Variants in HPSE2 observed in about 807,000 individuals in gnomAD.
The protein encoded by HPSE2 is heparanase 2 (inactive), also known as inactive heparanase-2.
In HPSE2, 38 loss-of-function variants were observed where a neutral mutation model predicts 60.5. That is an observed-to-expected ratio of 0.63 (90% CI 0.48 to 0.82). HPSE2 has a LOEUF of 0.82. HPSE2 is among the 40% of genes least tolerant of loss of function. HPSE2 has a pLI of 0.00. For synonymous variants in HPSE2, 295 were observed against 293.2 expected (o/e 1.01, Z -0.06); for missense variants, 713 against 740.4 (o/e 0.96, Z 0.43).
intron 6 of HPSE2, among the ~76,000 whole-genome samples, chr10:98,663,697 A>G (rs1445145607): frequency 6.6e-6 from 1 of 152,034 alleles, no homozygotes; most frequent in Non-Finnish European, 1.5e-5. Context: ...GGAACAGGAG[A>G]ACTTTCCTGA....
At chr10:98,983,580 A>G (rs1182653625) in intron 3 of HPSE2, among the ~76,000 whole-genome samples, 1 of 152,226 alleles carries the variant, frequency 6.6e-6, no homozygotes, top group Non-Finnish European at 1.5e-5. Context: ...AGACAAAGTC[A>G]ATTTACCTGG....
chr10:99,122,316 C>T (rs187704388), intron 3 of HPSE2, among the ~76,000 whole-genome samples: 94 of 151,996 alleles, frequency 6.2e-4, no homozygotes, highest in Non-Finnish European at 1.2e-3. Flanking sequence ...AAGCAGCTAT[C>T]ACCACTATTT....
chr10:98,864,562 CTAAA>C (rs1021467034), intron 3 of HPSE2, among the ~76,000 whole-genome samples: 5 of 152,088 alleles, frequency 3.3e-5, no homozygotes, highest in Non-Finnish European at 5.9e-5. Flanking sequence ...CTGAGAGAGG[CTAAA>C]TAAAGTTATC....
chr10:98,825,338 T>C (rs1168024885), intron 3 of HPSE2, among the ~76,000 whole-genome samples: 1 of 151,638 alleles, frequency 6.6e-6, no homozygotes, highest in African/African-American at 2.4e-5. Context: ...GGGATGGATA[T>C]GTGGATAATT....
intron 6 of HPSE2, among the ~76,000 whole-genome samples, chr10:98,686,927 CTGTT>C (rs889029030): frequency 2.6e-5 from 4 of 152,114 alleles, no homozygotes; most frequent in Admixed American, 1.3e-4. Context: ...AATTGTCAGT[CTGTT>C]TGACAGTGTT....
chr10:99,009,240 C>CAAAA (rs56775967), intron 3 of HPSE2, among the ~76,000 whole-genome samples: 12 of 74,416 alleles, frequency 1.6e-4, no homozygotes, highest in African/African-American at 6.2e-4. Flanking sequence ...CCAGTGTCTA[C>CAAAA]AAAAAAAAAA....
intron 3 of HPSE2, among the ~76,000 whole-genome samples, chr10:98,810,763 A>AT (rs1190903191): frequency 1.4e-5 from 1 of 69,756 alleles, no homozygotes; most frequent in African/African-American, 3.6e-5. Flanking sequence ...GAACTAAAAA[A>AT]AAAAAATAAA....
At chr10:99,035,981 G>A (rs1461548439) in intron 3 of HPSE2, among the ~76,000 whole-genome samples, 1 of 152,148 alleles carries the variant, frequency 6.6e-6, no homozygotes, top group African/African-American at 2.4e-5. Context: ...GAAGGCCAAT[G>A]CAGAAGATTA....
chr10:99,043,815 AAAG>A (rs1442184329), intron 3 of HPSE2, among the ~76,000 whole-genome samples: 1 of 152,188 alleles, frequency 6.6e-6, no homozygotes, highest in Non-Finnish European at 1.5e-5. Flanking sequence ...AGATAAAAAT[AAAG>A]AAGAAAGAAT....
At chr10:98,935,820 G>C (rs1954772204) in intron 3 of HPSE2, among the ~76,000 whole-genome samples, 1 of 145,044 alleles carries the variant, frequency 6.9e-6, no homozygotes, top group Non-Finnish European at 1.5e-5. Flanking sequence ...GTGCTGTGCT[G>C]GGGGAAATCC....
chr10:99,156,468 T>C (rs1254442936), intron 2 of HPSE2, among the ~76,000 whole-genome samples: 11 of 136,362 alleles, frequency 8.1e-5, no homozygotes, highest in Non-Finnish European at 1.5e-4. Context: ...ATAAATGTAA[T>C]CCAGCATATA....
chr10:98,726,575 T>C (rs1949086906), intron 4 of HPSE2, among the ~76,000 whole-genome samples: 1 of 150,986 alleles, frequency 6.6e-6, no homozygotes, highest in African/African-American at 2.4e-5. Flanking sequence ...ACATGGCATA[T>C]GTATACATAT....
At chr10:98,800,398 ATATATT>A (rs1193007602) in intron 3 of HPSE2, among the ~76,000 whole-genome samples, 6 of 147,724 alleles carry the variant, frequency 4.1e-5, no homozygotes, top group Non-Finnish European at 4.5e-5. Flanking sequence ...ATACATAAAT[ATATATT>A]TATATCTATA....
At chr10:98,657,448 A>C (rs1028222300) in intron 6 of HPSE2, among the ~76,000 whole-genome samples, 3 of 151,874 alleles carry the variant, frequency 2.0e-5, no homozygotes, top group African/African-American at 7.3e-5. Context: ...CTTGTGCTTC[A>C]ACACCCCCCG....
At chr10:98,789,712 T>C (rs1298571026) in intron 3 of HPSE2, among the ~76,000 whole-genome samples, 2 of 152,206 alleles carry the variant, frequency 1.3e-5, no homozygotes, top group Non-Finnish European at 2.9e-5. Context: ...TCATTTCTTA[T>C]AGCTGGATGG....
At position 98,721,830 on chromosome 10, in the gene HPSE2, T is replaced by C. The variant is rs1948934089; in HGVS notation, c.785-2A>G. On this transcript the variant is annotated splice_acceptor_variant, in intron 4 of 11. Transcript: ENST00000370552. LOFTEE classifies it high-confidence loss of function. ...GCATGGTCCGATAGTTATTTGGCTCTAGATTAAAAGCAGACATGTAAGTCA... is the reference window on the plus strand; with the variant it reads ...GCATGGTCCGATAGTTATTTGGCTCCAGATTAAAAGCAGACATGTAAGTCA... The C allele has an allele frequency of 4.3e-6, 7 of 1,613,206 alleles. No homozygotes were observed. Among genetic ancestry groups the C allele is most frequent in the Non-Finnish European group, 5.9e-6 (7 of 1,179,574 alleles).
At chr10:98,581,388 A>G (rs563872425) in intron 9 of HPSE2, among the ~76,000 whole-genome samples, 20 of 152,196 alleles carry the variant, frequency 1.3e-4, no homozygotes, top group Non-Finnish European at 2.2e-4. Context: ...ACAACAACTT[A>G]GTGTGGGCTT....
chr10:99,123,606 T>C (rs775550419), intron 3 of HPSE2, among the ~76,000 whole-genome samples: 11 of 152,174 alleles, frequency 7.2e-5, no homozygotes, highest in Non-Finnish European at 1.3e-4. Flanking sequence ...ACCATTGAGT[T>C]CTTGTCCTGT....
At chr10:99,226,406 A>G (rs911681887) in intron 2 of HPSE2, among the ~76,000 whole-genome samples, 1 of 152,076 alleles carries the variant, frequency 6.6e-6, no homozygotes, top group African/African-American at 2.4e-5. Context: ...CAGATGCAGT[A>G]TCTTTTGAAG....
Sources: gnomAD v4.1 joint callset for allele counts (sites outside exome capture counted in the v4.1 genomes callset) on GRCh38, gnomAD v4.1.1 for gene constraint, MANE v1.5 for transcripts, NCBI Gene and HGNC (gene_info 2026-07-23, HGNC 2026-07-21) for gene names.